WFDC8: variants seen among roughly 807,000 people sequenced by gnomAD.
The protein encoded by WFDC8 is WAP four-disulfide core domain 8, also known as WAP four-disulfide core domain protein 8.
WFDC8 carries 24 observed loss-of-function variants against 27.0 expected under a neutral mutation model. The ratio of observed to expected loss-of-function variants is 0.89; its 90% CI spans 0.64 to 1.25. The LOEUF (loss-of-function observed/expected upper bound fraction) is 1.25, where lower values mean the gene tolerates loss of function less well. Among genes scored for constraint, WFDC8 ranks in the 50% most tolerant of loss-of-function variants. WFDC8 has a pLI of 0.00. For synonymous variants in WFDC8, 106 were observed against 99.7 expected, an observed-to-expected ratio of 1.06 and a Z score of -0.38; for missense variants, 287 against 295.9, an observed-to-expected ratio of 0.97 and a Z score of 0.22.
chr20:45,576,256 G>A (rs1179600432), intron 1 of WFDC8, among the ~76,000 whole-genome samples: 1 of 151,392 alleles, frequency 6.6e-6, no homozygotes, highest in Non-Finnish European at 1.5e-5. Context: ...CTCAATTTAT[G>A]CCTATAATGA....
At chr20:45,553,301 T>C (rs887945481) in intron 4 of WFDC8, 25 bp from the exon 5 acceptor site, 1 of 1,602,988 alleles carries the variant, frequency 6.2e-7, no homozygotes, top group Non-Finnish European at 8.5e-7. Context: ...GATGTGAGCT[T>C]CTTAAAACCC....
chr20:45,568,016 T>A, intron 1 of WFDC8: 1 of 271,128 alleles, frequency 3.7e-6, no homozygotes, highest in South Asian at 5.4e-5. Context: ...GTGAAGGCCC[T>A]GCTAGAGACT....
chr20:45,564,661 A>G (rs1294660333), intron 1 of WFDC8, among the ~76,000 whole-genome samples: 10 of 141,730 alleles, frequency 7.1e-5, no homozygotes, highest in African/African-American at 2.7e-4. Flanking sequence ...GGCAATAGAG[A>G]GAGACTCTGT....
chr20:45,569,071 T>C (rs1451023757), intron 1 of WFDC8, among the ~76,000 whole-genome samples: 4 of 152,350 alleles, frequency 2.6e-5, no homozygotes, highest in South Asian at 4.1e-4. Flanking sequence ...TCTTCCTTTA[T>C]TGAGAATTTC....
rs781110488 is a variant in WFDC8 at position 45,552,050 on chromosome 20, C to T, written c.702G>A (p.Leu234=). ...LVEKCCSHCG[L]KCMDPRR ...TTCAACGTCTGGGGTCCATACATTT[C>T]AGTCCACAATGTGAGCAGCACTTTT... Residue 234 remains leucine, a synonymous_variant, in exon 6 of 6, where the codon CTG becomes CTA. Transcript: ENST00000289953. 9 of 1,614,062 alleles carry T rather than the reference C, an allele frequency of 5.6e-6. No individual in the cohort carries two copies. In the South Asian group the frequency reaches 8.8e-5, roughly 16 times the overall value.
Position 45,553,200 on chromosome 20 carries a change from A to G in WFDC8, c.522T>C (p.Asp174=). Residue 174 remains aspartate, a synonymous_variant, in exon 5 of 6, where the codon GAT becomes GAC. Coordinates refer to ENST00000289953, the MANE Select transcript of WFDC8 (RefSeq NM_130896.3). ...CACAACATTTGTCTGTCTGGGGACA[A>G]TCGATGTCACTGTGACATGAAGGTG... ...ECPPSCHSDI[D]CPQTDKCCES... is the part of the protein sequence containing the mutation. 1.2e-6 allele frequency: 2 copies of G among 1,613,928 alleles called. No homozygotes were observed. Among genetic ancestry groups the G allele is most frequent in the South Asian group, 1.1e-5 (1 of 91,070 alleles).
At chr20:45,569,512 G>T (rs1393453103) in intron 1 of WFDC8, among the ~76,000 whole-genome samples, 1 of 152,182 alleles carries the variant, frequency 6.6e-6, no homozygotes, top group Non-Finnish European at 1.5e-5. Context: ...CATGGTCACA[G>T]TAAATAATTT....
At chr20:45,569,200 T>C (rs1215294041) in intron 1 of WFDC8, among the ~76,000 whole-genome samples, 1 of 152,208 alleles carries the variant, frequency 6.6e-6, no homozygotes, top group Non-Finnish European at 1.5e-5. Flanking sequence ...GATTTCATCT[T>C]CAACCTGCCA....
chr20:45,558,846 C>T lies in WFDC8; in HGVS notation c.277+6G>A, dbSNP rs765349285. 29 of 1,613,914 alleles carry T rather than the reference C, an allele frequency of 1.8e-5. No homozygotes were observed. In the Middle Eastern group the frequency reaches 8.2e-4, roughly 46 times the overall value. ...GAACCTCTGTCCTCAGCCTGGACAT[C>T]GCTACCTTGAAAGGGATCCATGCAC... is the stretch of plus-strand genomic sequence containing the variant. On this transcript the variant is annotated splice_donor_region_variant and intron_variant, in intron 3 of 5. Coordinates refer to ENST00000289953, the MANE Select transcript of WFDC8 (RefSeq NM_130896.3).
Position 45,558,987 on chromosome 20 carries a change from G to C in WFDC8, c.142C>G (p.Pro48Ala). ...AMLTKKIKHKPGLCPKERLTC... is the reference protein window; with the variant it reads ...AMLTKKIKHKAGLCPKERLTC... ...AGCCTCTCTTTGGGACATAACCCTG[G>C]TTTGTCTGCAAGAAAGAAATGTCCA... Residue 48 changes from proline (P) to alanine (A), a missense_variant, in exon 3 of 6, where the codon CCA (proline) becomes GCA (alanine). Coordinates refer to ENST00000289953, the MANE Select transcript of WFDC8 (RefSeq NM_130896.3). 1 of 1,613,702 alleles carries C rather than the reference G, an allele frequency of 6.2e-7. No individual in the cohort carries two copies. The highest frequency in any genetic ancestry group is 8.5e-7 in the Non-Finnish European group (1 of 1,179,848).
At chr20:45,560,451 A>G (rs1600890529) in intron 2 of WFDC8, among the ~76,000 whole-genome samples, 1 of 152,244 alleles carries the variant, frequency 6.6e-6, no homozygotes, top group East Asian at 1.9e-4. Context: ...TTTGTTACGT[A>G]GCAAAGGATA....
chr20:45,559,640 T>C (rs191999599), intron 2 of WFDC8: 1 of 152,312 alleles, frequency 6.6e-6, no homozygotes, highest in East Asian at 1.9e-4. Context: ...ATTATAAGAG[T>C]TAAATGGGGT....
At chr20:45,552,355 A>G (rs753058629) in intron 5 of WFDC8, among the ~76,000 whole-genome samples, 190 bp from the exon 6 acceptor site, 9 of 152,226 alleles carry the variant, frequency 5.9e-5, no homozygotes, top group Non-Finnish European at 1.0e-4. Flanking sequence ...AGGAGCATCA[A>G]GAAAAGTCTT....
intron 1 of WFDC8, among the ~76,000 whole-genome samples, chr20:45,565,117 A>AGAGAAGGAAGGAAGGAAGGG (rs1389512709): frequency 2.0e-5 from 3 of 149,106 alleles, no homozygotes; most frequent in African/African-American, 7.4e-5. Flanking sequence ...AGAAGGAAGG[A>AGAGAAGGAAGGAAGGAAGGG]GAGAAGGAAG....
In WFDC8 at chr20:45,558,933, A is replaced by G. The variant is rs776900340; in HGVS notation, c.196T>C (p.Cys66Arg). 1.2e-6 allele frequency: 2 copies of G among 1,614,192 alleles called. No homozygotes were observed. The highest frequency in any genetic ancestry group is 1.7e-5 in the Admixed American group (1 of 60,022). ...TCCTTGCAGTCAAAATCTGTGTTAC[A>G]TGAGTCCGGAAGTTCAGTGGTACAG... Reference protein sequence around the residue: ...LTCTTELPDSCNTDFDCKEYQ... With the variant: ...LTCTTELPDSRNTDFDCKEYQ... Residue 66 changes from cysteine (C) to arginine (R), a missense_variant, in exon 3 of 6, where the codon TGT becomes CGT. By Grantham distance (180) the Cys-to-Arg change is radical (BLOSUM62 -3). Coordinates refer to ENST00000289953, the MANE Select transcript of WFDC8 (RefSeq NM_130896.3).
At chr20:45,565,035 A>AG (rs371788049) in intron 1 of WFDC8, among the ~76,000 whole-genome samples, 30 of 116,834 alleles carry the variant, frequency 2.6e-4, no homozygotes, top group African/African-American at 4.6e-4. Flanking sequence ...GAAGGAAGGA[A>AG]GAAGAAAGGA....
chr20:45,555,185 T>G (rs1230177719), intron 4 of WFDC8, among the ~76,000 whole-genome samples: 1 of 152,226 alleles, frequency 6.6e-6, no homozygotes, highest in Non-Finnish European at 1.5e-5. Flanking sequence ...ATTTGACTCC[T>G]AAGTTTGGTA....
chr20:45,579,109 T>C (rs1312509756), intron 1 of WFDC8, 113 bp downstream of exon 1: 6 of 1,004,874 alleles, frequency 6.0e-6, no homozygotes, highest in African/African-American at 3.2e-5. Context: ...CTCCTCACTA[T>C]GCTTGGCCCA....
intron 1 of WFDC8, among the ~76,000 whole-genome samples, chr20:45,577,266 G>A (rs747315035): frequency 6.6e-6 from 1 of 151,404 alleles, no homozygotes; most frequent in Non-Finnish European, 1.5e-5. Flanking sequence ...GCTGTCAAGT[G>A]TCCTAAGAGC....
Sources: gnomAD v4.1 joint callset for allele counts (sites outside exome capture counted in the v4.1 genomes callset) on GRCh38, gnomAD v4.1.1 for gene constraint, MANE v1.5 for transcripts, NCBI Gene and HGNC (gene_info 2026-07-23, HGNC 2026-07-21) for gene names.